LRRTM4: variants seen among roughly 807,000 people sequenced by gnomAD.
LRRTM4 encodes the protein leucine-rich repeat transmembrane neuronal protein 4.
In LRRTM4, 25 loss-of-function variants were observed where a neutral mutation model predicts 47.6. That is an observed-to-expected ratio of 0.53 (90% CI 0.38 to 0.73). The LOEUF (loss-of-function observed/expected upper bound fraction) is 0.73. LRRTM4 is among the 30% of genes least tolerant of loss of function. The probability of loss-of-function intolerance (pLI) is 0.00; values close to 1 mark genes in which losing one functional copy is unlikely to be tolerated. For missense variants in LRRTM4, 638 were observed against 713.4 expected (o/e 0.89, Z 1.20); for synonymous variants, 311 against 269.5 (o/e 1.15, Z -1.51).
At chr2:77,268,593 G>A (rs1282724805) in intron 3 of LRRTM4, among the ~76,000 whole-genome samples, 1 of 152,052 alleles carries the variant, frequency 6.6e-6, no homozygotes, top group African/African-American at 2.4e-5. Flanking sequence ...AATTACAGAT[G>A]TGATCACATC....
intron 3 of LRRTM4, among the ~76,000 whole-genome samples, chr2:77,150,160 A>G (rs4853301): frequency 0.34 from 50,970 of 151,964 alleles, 9,017 homozygotes; most frequent in East Asian, 0.49. Flanking sequence ...AACTGAAAAA[A>G]AAATCATAAT....
intron 3 of LRRTM4, among the ~76,000 whole-genome samples, chr2:77,460,541 T>G (rs1676748730): frequency 6.6e-6 from 1 of 152,114 alleles, no homozygotes; most frequent in Non-Finnish European, 1.5e-5. Context: ...TTTTAGTAAT[T>G]CCTGACAACC....
intron 3 of LRRTM4, among the ~76,000 whole-genome samples, chr2:77,434,266 A>G (rs1024881660): frequency 1.3e-5 from 2 of 151,910 alleles, no homozygotes; most frequent in African/African-American, 4.8e-5. Flanking sequence ...AAAGTTTTCC[A>G]CATGTCAGAG....
At chr2:77,397,839 G>A (rs182665222) in intron 3 of LRRTM4, among the ~76,000 whole-genome samples, 306 of 151,966 alleles carry the variant, frequency 2.0e-3, no homozygotes, top group African/African-American at 7.1e-3. Flanking sequence ...TGCACCAAGT[G>A]TATACGATTC....
At chr2:76,957,771 A>G (rs945964922) in intron 3 of LRRTM4, among the ~76,000 whole-genome samples, 23 of 151,642 alleles carry the variant, frequency 1.5e-4, no homozygotes, top group African/African-American at 5.1e-4. Flanking sequence ...AAGAAGAATA[A>G]TCAAAGTTTC....
intron 3 of LRRTM4, among the ~76,000 whole-genome samples, chr2:76,851,512 G>A (rs1439695881): frequency 6.6e-6 from 1 of 152,026 alleles, no homozygotes; most frequent in East Asian, 1.9e-4. Context: ...CCTTACCGTT[G>A]CTGACAGATG....
At chr2:77,116,112 C>A (rs1201201191) in intron 3 of LRRTM4, among the ~76,000 whole-genome samples, 2 of 152,038 alleles carry the variant, frequency 1.3e-5, no homozygotes, top group African/African-American at 4.8e-5. Context: ...ATTTAAGAGT[C>A]TTGCCTTGCT....
At position 76,937,244 on chromosome 2, in the gene LRRTM4, G is replaced by A. The variant is rs573685429; in HGVS notation, c.1552-188328C>T. On this transcript the variant is annotated intron_variant, in intron 3 of 3. Coordinates refer to ENST00000409884, the MANE Select transcript of LRRTM4 (RefSeq NM_001134745.3). Reference sequence around the variant, plus strand: ...CCAAAAGCTTTAGCCATAAGTAGGAGGCATATGGCAAAAATATTTATGAAG... The same window carrying A: ...CCAAAAGCTTTAGCCATAAGTAGGAAGCATATGGCAAAAATATTTATGAAG... 3.3e-5 allele frequency among the ~76,000 whole-genome samples: 5 copies of A among 152,136 alleles called. 1 individual carries two copies. Among genetic ancestry groups the A allele is most frequent in the African/African-American group, 1.2e-4 (5 of 41,504 alleles).
Position 77,049,155 on chromosome 2 carries a change from T to C in LRRTM4, c.1552-300239A>G, listed in dbSNP as rs185250959. Among the ~76,000 whole-genome samples, 583 of 125,740 alleles carry C rather than the reference T, an allele frequency of 4.6e-3. 6 individuals carry two copies. Among genetic ancestry groups the C allele is most frequent in the African/African-American group, 0.016 (424 of 25,934 alleles). The allele number at this position is 125,740 out of a possible 152,430, so 82.5% of individuals were successfully genotyped here. On this transcript the variant is annotated intron_variant, in intron 3 of 3. Coordinates refer to ENST00000409884, the MANE Select transcript of LRRTM4 (RefSeq NM_001134745.3). ...ATATATATATATATATATATATATA[T>C]ATACACACACACACACACCACATTT... is the stretch of plus-strand genomic sequence containing the variant.
chr2:77,516,820 T>C (rs1679223598), intron 3 of LRRTM4: 1 of 983,496 alleles, frequency 1.0e-6, no homozygotes, highest in Non-Finnish European at 1.2e-6. Context: ...ATAGTCCAAA[T>C]TGTACTGAGT....
intron 3 of LRRTM4, among the ~76,000 whole-genome samples, chr2:77,478,946 G>A (rs1313549267): frequency 2.0e-5 from 3 of 152,070 alleles, no homozygotes; most frequent in Non-Finnish European, 4.4e-5. Flanking sequence ...CCAGGTTGGA[G>A]TGCAATGGTG....
intron 3 of LRRTM4, among the ~76,000 whole-genome samples, chr2:77,125,444 T>C (rs932436217): frequency 6.6e-6 from 1 of 152,190 alleles, no homozygotes; most frequent in African/African-American, 2.4e-5. Flanking sequence ...ATGCATTTGA[T>C]AGACCACGCA....
intron 3 of LRRTM4, among the ~76,000 whole-genome samples, chr2:76,875,141 G>T (rs1672742625): frequency 6.6e-6 from 1 of 152,056 alleles, no homozygotes; most frequent in African/African-American, 2.4e-5. Flanking sequence ...AATAGCCACA[G>T]GTTCACTAAA....
intron 3 of LRRTM4, among the ~76,000 whole-genome samples, chr2:76,750,463 T>G (rs1672813483): frequency 6.6e-6 from 1 of 152,206 alleles, no homozygotes; most frequent in African/African-American, 2.4e-5. Context: ...GGTTAATAAC[T>G]CTATATCCAG....
intron 3 of LRRTM4, among the ~76,000 whole-genome samples, chr2:76,906,634 A>G (rs1248493768): frequency 2.6e-5 from 4 of 152,180 alleles, no homozygotes; most frequent in African/African-American, 9.7e-5. Context: ...TAGGCTCAAA[A>G]TAAAAGGATG....
intron 3 of LRRTM4, among the ~76,000 whole-genome samples, chr2:76,931,810 C>G (rs979542444): frequency 1.3e-5 from 2 of 152,078 alleles, no homozygotes; most frequent in Non-Finnish European, 2.9e-5. Context: ...CTAGTTTTAC[C>G]TTTCAAATGA....
chr2:77,161,739 C>A (rs1297023262), intron 3 of LRRTM4, among the ~76,000 whole-genome samples: 5 of 152,024 alleles, frequency 3.3e-5, no homozygotes, highest in Non-Finnish European at 7.4e-5. Context: ...TAGAGAGGGT[C>A]TGTAGGTAAA....
chr2:76,757,289 A>T (rs1389774383), intron 3 of LRRTM4, among the ~76,000 whole-genome samples: 1 of 152,136 alleles, frequency 6.6e-6, no homozygotes. Flanking sequence ...GGGAACATGT[A>T]CTATTTGTGT....
rs1255998475 is a variant in LRRTM4, at chr2:77,519,819, A to G, written c.50T>C (p.Val17Ala). Residue 17 changes from valine to alanine, a missense_variant, in exon 3 of 4, where the codon GTG becomes GCG. By Grantham distance (64) the Val-to-Ala change is moderately conservative. Transcript: ENST00000409884. This position sits in a 1 kb window ranked among gnomAD's most constrained non-coding sequence, Gnocchi z 4.6. ...TQLKGMSVVL[V>A]LLPTLLLVML... ...AACAAGCAGCAGTGTAGGAAGTAGC[A>G]CCAGCACCACACTCATGCCTTTCAG... 2 of 1,612,656 alleles carry G rather than the reference A, an allele frequency of 1.2e-6. No homozygotes were observed. The highest frequency in any genetic ancestry group is 1.7e-6 in the Non-Finnish European group (2 of 1,179,256).
Sources: gnomAD v4.1 joint callset for allele counts (sites outside exome capture counted in the v4.1 genomes callset) on GRCh38, gnomAD v4.1.1 for gene constraint, Gnocchi (gnomAD v3.1) non-coding constraint, MANE v1.5 for transcripts, NCBI Gene and HGNC (gene_info 2026-07-23, HGNC 2026-07-21) for gene names.